ST18: variants seen among roughly 807,000 people sequenced by gnomAD.
ST18 encodes the protein suppression of tumorigenicity 18 protein.
ST18 carries 50 observed loss-of-function variants against 110.0 expected under a neutral mutation model. The ratio of observed to expected loss-of-function variants is 0.45; its 90% CI spans 0.36 to 0.58. The LOEUF is 0.58. Among genes scored for constraint, ST18 ranks in the 20% least tolerant of loss-of-function variants. The pLI is 0.00. For missense variants in ST18, 1,306 were observed against 1,280.1 expected (o/e 1.02, Z -0.31); for synonymous variants, 461 against 452.4 (o/e 1.02, Z -0.24).
chr8:52,111,291 T>G lies in ST18; in HGVS notation c.*1907A>C, dbSNP rs1348028425. 3.6e-6 allele frequency: 1 copy of G among 274,410 alleles called. No individual in the cohort carries two copies. The highest frequency in any genetic ancestry group is 6.7e-6 in the Non-Finnish European group (1 of 148,256). 17.0% of individuals were successfully genotyped at this position (274,410 alleles called of 1,614,324 possible). A position where few individuals can be genotyped will look rare whatever the true frequency, so the allele number is the denominator to read the frequency against. Reference sequence around the variant, plus strand: ...TTTGTAATAAGTGAGCTCATTTGTATGCATCTATGAAGTACTGTATAGCAA... The same window carrying G: ...TTTGTAATAAGTGAGCTCATTTGTAGGCATCTATGAAGTACTGTATAGCAA... On this transcript the variant is annotated 3_prime_UTR_variant, in exon 26 of 26. Coordinates refer to ENST00000689386, the MANE Select transcript of ST18 (RefSeq NM_001352837.2).
At chr8:52,362,164 A>G (rs1385979728) in intron 2 of ST18, among the ~76,000 whole-genome samples, 1 of 152,232 alleles carries the variant, frequency 6.6e-6, no homozygotes, top group Non-Finnish European at 1.5e-5. Flanking sequence ...CAACAGTTGC[A>G]TTAATGGTCA....
chr8:52,115,612 G>A lies in ST18; in HGVS notation c.3003+663C>T, dbSNP rs79939006. ...ACCATATAGCCTGGGTGCAAAGTAA[G>A]TAAAGTAGGGTCTGTCATCTGGGTT... On this transcript the variant is annotated intron_variant, in intron 25 of 25. Coordinates refer to ENST00000689386, the MANE Select transcript of ST18 (RefSeq NM_001352837.2). 5.4e-3 allele frequency among the ~76,000 whole-genome samples: 829 copies of A among 152,284 alleles called. 9 individuals are homozygous for A. The highest frequency in any genetic ancestry group is 0.019 in the African/African-American group (793 of 41,542).
intron 2 of ST18, among the ~76,000 whole-genome samples, chr8:52,367,876 G>C (rs573350136): frequency 6.6e-6 from 1 of 152,284 alleles, no homozygotes; most frequent in Non-Finnish European, 1.5e-5. Context: ...GCAAGCAAAT[G>C]ACTGCCTTGT....
Position 52,349,428 on chromosome 8 carries a change from C to T in ST18, c.-465+59900G>A, listed in dbSNP as rs181459615. Among the ~76,000 whole-genome samples, 7 of 152,244 alleles carry T rather than the reference C, an allele frequency of 4.6e-5. No homozygotes were observed. In the South Asian group the frequency reaches 8.3e-4, roughly 18 times the overall value. ...AAAATATGATAATGTATTACTCTGA[C>T]GTTCTGTTAATGTAACTTACTCAAA... is the stretch of plus-strand genomic sequence containing the variant. On this transcript the variant is annotated intron_variant, in intron 2 of 25. Transcript: ENST00000689386.
At position 52,220,858 on chromosome 8, in the gene ST18, TA is replaced by T. The variant is rs1554738602; in HGVS notation, c.-264-11del. 1 of 152,042 alleles carries T rather than the reference TA, an allele frequency of 6.6e-6. No homozygotes were observed. The highest frequency in any genetic ancestry group is 1.5e-5 in the Non-Finnish European group (1 of 67,996). 9.4% of individuals were successfully genotyped at this position (152,042 alleles called of 1,614,324 possible). On this transcript the variant is annotated splice_polypyrimidine_tract_variant and intron_variant, in intron 4 of 25. Transcript: ENST00000689386. ...AATCCTGAAATTCATTCTATTGAGATAAGAAATCAAACAAGAAAAGCATATC... is the reference window on the plus strand; with the variant it reads ...AATCCTGAAATTCATTCTATTGAGATAGAAATCAAACAAGAAAAGCATATC...
At chr8:52,234,052 C>T (rs1158244933) in intron 2 of ST18, among the ~76,000 whole-genome samples, 2 of 152,170 alleles carry the variant, frequency 1.3e-5, no homozygotes, top group Non-Finnish European at 2.9e-5. Flanking sequence ...TATGTCCAAT[C>T]CTTCTTGGTT....
intron 2 of ST18, among the ~76,000 whole-genome samples, chr8:52,362,110 G>T (rs1486624069): frequency 6.6e-6 from 1 of 152,116 alleles, no homozygotes; most frequent in African/African-American, 2.4e-5. Context: ...TGCTATCTGA[G>T]TGAATTTGAA....
chr8:52,152,197 A>G (rs764747975), intron 15 of ST18, among the ~76,000 whole-genome samples: 13 of 152,210 alleles, frequency 8.5e-5, no homozygotes, highest in Non-Finnish European at 1.3e-4. Context: ...GAGCGCACAG[A>G]TGCCTTCAAC....
At chr8:52,119,610 C>T (rs1354896709) in intron 23 of ST18, among the ~76,000 whole-genome samples, 1 of 152,118 alleles carries the variant, frequency 6.6e-6, no homozygotes, top group East Asian at 1.9e-4. Context: ...TAGGTACACA[C>T]CCAAAACAAA....
intron 2 of ST18, among the ~76,000 whole-genome samples, chr8:52,367,953 A>G (rs1431875422): frequency 6.6e-6 from 1 of 152,212 alleles, no homozygotes; most frequent in Non-Finnish European, 1.5e-5. Context: ...GCTTATGGAC[A>G]AGGTATCTGA....
At chr8:52,373,579 A>C (rs7462614) in intron 2 of ST18, among the ~76,000 whole-genome samples, 150,018 of 152,020 alleles carry the variant, frequency 0.99, 74,049 homozygotes, top group Middle Eastern at 1. Context: ...GCATCCCACT[A>C]CCTGCTAGCA....
In ST18 at chr8:52,214,030, G is replaced by A. The variant is rs117754467; in HGVS notation, c.55+173C>T. On this transcript the variant is annotated intron_variant, in intron 7 of 25. Transcript: ENST00000689386. ...ACTTTTCTGAGTTCTTTAACTCCTC[G>A]TTCATAATATTTTGCCTCTCCGTGC... is the stretch of plus-strand genomic sequence containing the variant. 3.7e-4 allele frequency among the ~76,000 whole-genome samples: 57 copies of A among 152,142 alleles called. No individual in the cohort carries two copies. The East Asian group carries it at 0.01, about 27-fold the overall frequency.
At chr8:52,215,477 G>T (rs1336782186) in intron 6 of ST18, among the ~76,000 whole-genome samples, 1 of 152,134 alleles carries the variant, frequency 6.6e-6, no homozygotes, top group Non-Finnish European at 1.5e-5. Flanking sequence ...CAACACTACA[G>T]ACAAAATTAA....
intron 23 of ST18, among the ~76,000 whole-genome samples, chr8:52,124,419 C>T (rs2046194608): frequency 1.3e-5 from 2 of 152,060 alleles, no homozygotes; most frequent in African/African-American, 4.8e-5. Flanking sequence ...CGTGATCTGC[C>T]CGCCTCGGCC....
At chr8:52,153,602 T>A (rs1447931439) in intron 15 of ST18, among the ~76,000 whole-genome samples, 1 of 152,198 alleles carries the variant, frequency 6.6e-6, no homozygotes, top group Non-Finnish European at 1.5e-5. Context: ...GGAGAAATGA[T>A]CAGAGGAGAA....
chr8:52,227,298 T>C (rs2136694915), intron 3 of ST18, among the ~76,000 whole-genome samples: 1 of 152,294 alleles, frequency 6.6e-6, no homozygotes, highest in Middle Eastern at 3.4e-3. Flanking sequence ...CATAAAAGGA[T>C]ACATAAAGCA....
intron 2 of ST18, among the ~76,000 whole-genome samples, chr8:52,278,061 T>C (rs758699974): frequency 6.6e-6 from 1 of 152,206 alleles, no homozygotes; most frequent in African/African-American, 2.4e-5. Context: ...TAGACAGAAC[T>C]TCCTAGCTGA....
intron 2 of ST18, among the ~76,000 whole-genome samples, chr8:52,326,886 A>G (rs1465374352): frequency 6.6e-6 from 1 of 152,160 alleles, no homozygotes; most frequent in Non-Finnish European, 1.5e-5. Flanking sequence ...CAGGGCTGGC[A>G]GCAGCCAATT....
chr8:52,125,088 C>T (rs888970922), intron 23 of ST18, among the ~76,000 whole-genome samples: 1 of 152,072 alleles, frequency 6.6e-6, no homozygotes, highest in African/African-American at 2.4e-5. Flanking sequence ...AACACAGGCC[C>T]CAGATAATGC....
Sources: gnomAD v4.1 joint callset for allele counts (sites outside exome capture counted in the v4.1 genomes callset) on GRCh38, gnomAD v4.1.1 for gene constraint, MANE v1.5 for transcripts, NCBI Gene and HGNC (gene_info 2026-07-23, HGNC 2026-07-21) for gene names.